The following KMT2C variants were observed in gnomAD, a reference collection of about 807,000 sequenced individuals.
KMT2C encodes the protein lysine methyltransferase 2C.
Under a neutral mutation model 507.9 loss-of-function variants are expected in KMT2C, and 88 were observed. The observed-to-expected ratio is 0.17, with a 90% CI of 0.15 to 0.21. The LOEUF (loss-of-function observed/expected upper bound fraction) is 0.21, where lower values mean the gene tolerates loss of function less well. KMT2C is among the 10% of genes least tolerant of loss of function. The pLI, the probability that KMT2C is intolerant of heterozygous loss-of-function variation, is 1.00. For missense variants in KMT2C, 4,954 were observed against 5,957.8 expected (o/e 0.83, Z 5.55); for synonymous variants, 2,049 against 2,080.8 (o/e 0.98, Z 0.42).
chr7:152,139,295 G>A (rs756389560), intron 56 of KMT2C, 36 bp from the exon 57 acceptor site: 8 of 1,582,476 alleles, frequency 5.1e-6, no homozygotes, highest in Non-Finnish European at 6.1e-6. Flanking sequence ...CATCAATGTC[G>A]ACCTGAAACT....
At chr7:152,216,458 T>G (rs1244731625) in intron 23 of KMT2C, among the ~76,000 whole-genome samples, 1 of 152,218 alleles carries the variant, frequency 6.6e-6, no homozygotes, top group Admixed American at 6.5e-5. Context: ...TAATATAATG[T>G]GTAATATTAC....
At chr7:152,141,734 T>C (rs1188797475) in intron 55 of KMT2C, among the ~76,000 whole-genome samples, 1 of 135,094 alleles carries the variant, frequency 7.4e-6, no homozygotes, top group African/African-American at 3.0e-5. Context: ...AAAAAAAAAT[T>C]CATGCCAGCC....
At chr7:152,147,703 G>A (rs1435966801) in intron 52 of KMT2C, among the ~76,000 whole-genome samples, 17 of 78,358 alleles carry the variant, frequency 2.2e-4, no homozygotes, top group Admixed American at 1.4e-3. Context: ...GAGAAACTCC[G>A]TCTCAAAAAA....
chr7:152,188,488 C>A (rs2093688502), intron 31 of KMT2C, among the ~76,000 whole-genome samples: 1 of 149,120 alleles, frequency 6.7e-6, no homozygotes, highest in South Asian at 2.1e-4. Context: ...ACAGCAAATG[C>A]TAGTAAGTTT....
intron 9 of KMT2C, among the ~76,000 whole-genome samples, chr7:152,255,681 G>A (rs1291932772): frequency 1.3e-5 from 2 of 152,082 alleles, no homozygotes; most frequent in East Asian, 1.9e-4. Context: ...TAGACAGATC[G>A]ATGGAATGGA....
chr7:152,334,691 C>T (rs1315033228), intron 2 of KMT2C, among the ~76,000 whole-genome samples: 1 of 152,012 alleles, frequency 6.6e-6, no homozygotes, highest in African/African-American at 2.4e-5. Context: ...TTCCTACAGA[C>T]TGGAATGGAC....
chr7:152,201,306 AC>A (rs1320311365), intron 26 of KMT2C, among the ~76,000 whole-genome samples: 1 of 148,548 alleles, frequency 6.7e-6, no homozygotes, highest in Admixed American at 6.7e-5. Flanking sequence ...ACACACACAC[AC>A]ACACACACAC....
At chr7:152,367,259 G>T (rs1363230779) in intron 1 of KMT2C, 2 of 1,361,452 alleles carry the variant, frequency 1.5e-6, no homozygotes, top group Non-Finnish European at 2.1e-6. Context: ...AGAGAAGAAG[G>T]AACCAACATT....
intron 6 of KMT2C, among the ~76,000 whole-genome samples, chr7:152,296,304 G>A (rs1009347570): frequency 2.0e-5 from 3 of 151,300 alleles, no homozygotes; most frequent in African/African-American, 7.3e-5. Context: ...CGTGGTGGTG[G>A]GTGCCTATAA....
At chr7:152,184,182 T>TA (rs11372445) in intron 34 of KMT2C, among the ~76,000 whole-genome samples, 16,979 of 150,246 alleles carry the variant, frequency 0.11, 2,203 homozygotes, top group African/African-American at 0.31. Context: ...CTTAAAAATT[T>TA]AAAAATTCTG....
At position 152,181,560 on chromosome 7, in the gene KMT2C, G is replaced by A. The variant is rs1343032299; in HGVS notation, c.6300C>T (p.Thr2100=). The change falls in exon 36 of 59, where the codon ACC becomes ACT. Residue 2100 remains threonine (T), a synonymous_variant. Coordinates refer to ENST00000262189, the MANE Select transcript of KMT2C (RefSeq NM_170606.3). The part of the protein sequence containing the change: ...SNDPYSQPPL[T]PHPAVNESFA... Reference sequence around the variant, plus strand: ...AAGATTCATTCACTGCTGGATGTGGGGTAAGGGGAGGCTGACTATATGGAT... The same window carrying A: ...AAGATTCATTCACTGCTGGATGTGGAGTAAGGGGAGGCTGACTATATGGAT... 2 of 1,613,944 alleles carry A rather than the reference G, an allele frequency of 1.2e-6. No homozygotes were observed. Among genetic ancestry groups the A allele is most frequent in the Non-Finnish European group, 8.5e-7 (1 of 1,179,950 alleles).
At chr7:152,249,687 A>AC (rs2095532604) in intron 13 of KMT2C, among the ~76,000 whole-genome samples, 189 bp downstream of exon 13, 1 of 151,038 alleles carries the variant, frequency 6.6e-6, no homozygotes, top group Non-Finnish European at 1.5e-5. Flanking sequence ...AAAAAAAAAA[A>AC]AAAAAAAAAA....
chr7:152,334,974 G>A (rs749609026), intron 2 of KMT2C, among the ~76,000 whole-genome samples: 2 of 152,130 alleles, frequency 1.3e-5, no homozygotes, highest in Admixed American at 6.5e-5. Context: ...AAGAATTGCC[G>A]TAACAAAATC....
At chr7:152,165,783 G>T (rs2092700936) in intron 42 of KMT2C, among the ~76,000 whole-genome samples, 1 of 152,158 alleles carries the variant, frequency 6.6e-6, no homozygotes, top group Admixed American at 6.5e-5. Flanking sequence ...CCACCTCCCG[G>T]ATTCAAGCAA....
Position 152,138,904 on chromosome 7 carries a change from C to A in KMT2C, c.14535G>T (p.Arg4845Ser), listed in dbSNP as rs766991348. The A allele has an allele frequency of 6.2e-7, 1 of 1,609,444 alleles. No individual in the cohort carries two copies. Among genetic ancestry groups the A allele is most frequent in the Non-Finnish European group, 8.5e-7 (1 of 1,175,720 alleles). The change falls in exon 58 of 59, where the codon AGG becomes AGT. Residue 4845 changes from arginine (R) to serine (S), a missense_variant and splice_region_variant. Arg to Ser is a moderately radical substitution (Grantham distance 110). Coordinates refer to ENST00000262189, the MANE Select transcript of KMT2C (RefSeq NM_170606.3). The surrounding 1 kb of genome is among the most constrained non-coding windows in gnomAD (Gnocchi z 4.2). Reference sequence around the variant, plus strand: ...TAGGTGCACACGAATGGTTGATATACCTGCAAGCCACCATGTCAGAAAACT... The same window carrying A: ...TAGGTGCACACGAATGGTTGATATAACTGCAAGCCACCATGTCAGAAAACT... The part of the protein sequence containing the change: ...IDATLTGGPA[R>S]YINHSCAPNC...
Position 152,136,805 on chromosome 7 carries a change from GC to G in KMT2C, c.*26del, listed in dbSNP as rs2089911667. On this transcript the variant is annotated 3_prime_UTR_variant, in exon 59 of 59. Transcript: ENST00000262189. ...AATCGCCTCTTCCTAGGGACAAGCC[GC>G]CCGCTGAGCTAGCAAGGAATGCATT... 1 of 1,545,286 alleles carries G rather than the reference GC, an allele frequency of 6.5e-7. No individual in the cohort carries two copies. Among genetic ancestry groups the G allele is most frequent in the African/African-American group, 1.4e-5 (1 of 73,620 alleles).
chr7:152,238,910 A>G (rs1399025299), intron 14 of KMT2C, 84 bp from the exon 15 acceptor site: 384 of 1,274,570 alleles, frequency 3.0e-4, no homozygotes, highest in Non-Finnish European at 3.0e-4. Context: ...ATTTTAGAAC[A>G]GCAAAAACAA....
chr7:152,221,967 T>C (rs1249895035), intron 22 of KMT2C, 34 bp downstream of exon 22: 1 of 1,511,356 alleles, frequency 6.6e-7, no homozygotes, highest in Non-Finnish European at 9.1e-7. Flanking sequence ...GCAAAGTAAA[T>C]TAATTAAATC....
At position 152,176,358 on chromosome 7, in the gene KMT2C, A is replaced by G. The variant is rs201564532; in HGVS notation, c.9095T>C (p.Met3032Thr). ...TSSMSGPQQL[M>T]IPQTLAQQNR... ...CTGCTGTGCTAATGTTTGAGGAATC[A>G]TTAGCTGTTGGGGTCCAGACATGCT... Residue 3032 changes from methionine (M) to threonine (T), a missense_variant, in exon 38 of 59, where the codon ATG (methionine) becomes ACG (threonine). Around this residue, in one of 29 missense-constraint regions of KMT2C, gnomAD observed 1,689 missense variants for 1,654.3 expected, o/e 1.02. Transcript: ENST00000262189. The G allele has an allele frequency of 4.3e-6, 7 of 1,614,102 alleles. No individual in the cohort carries two copies. In the East Asian group the frequency reaches 1.3e-4, roughly 31 times the overall value.
Sources: allele counts gnomAD v4.1 joint callset (sites outside exome capture counted in the v4.1 genomes callset), GRCh38; gene constraint gnomAD v4.1.1; regional missense constraint gnomAD v4.1.1; non-coding constraint Gnocchi (gnomAD v3.1); transcripts MANE v1.5; gene names NCBI Gene and HGNC (gene_info 2026-07-23, HGNC 2026-07-21).